The following KSR2 variants were observed in gnomAD, a reference collection of about 807,000 sequenced individuals.
The protein encoded by KSR2 is kinase suppressor of ras 2.
A neutral mutation model predicts 107.8 loss-of-function variants in KSR2; 25 were observed. The ratio of observed to expected loss-of-function variants is 0.23; its 90% CI spans 0.17 to 0.32. The LOEUF (loss-of-function observed/expected upper bound fraction) is 0.32, where lower values mean the gene tolerates loss of function less well. Ranked by LOEUF, KSR2 falls within the 10% of genes least tolerant of loss-of-function variation. The pLI is 1.00. For synonymous variants in KSR2, 480 were observed against 507.0 expected (o/e 0.95, Z 0.71); for missense variants, 887 against 1,268.9 (o/e 0.70, Z 4.57).
intron 1 of KSR2, among the ~76,000 whole-genome samples, chr12:117,961,303 TGA>T (rs35831169): frequency 0.14 from 21,856 of 152,048 alleles, 1,978 homozygotes; most frequent in East Asian, 0.4. Context: ...GTCTGGAGCA[TGA>T]GAGAATGGCC....
rs1012203442 is a variant in KSR2 at position 117,761,622 on chromosome 12, C to T, written c.473-98G>A. 132 of 1,143,324 alleles carry T rather than the reference C, an allele frequency of 1.2e-4. 1 individual carries two copies. The highest frequency in any genetic ancestry group is 1.6e-4 in the Non-Finnish European group (123 of 773,536). 70.8% of individuals were successfully genotyped at this position (1,143,324 alleles called of 1,614,324 possible). The stretch of plus-strand genomic sequence containing the variant: ...ATTACATCATACACACATTACACCA[C>T]GTGCCCATTACATCATGTGCATGTT... On this transcript the variant is annotated intron_variant, in intron 3 of 19. Coordinates refer to ENST00000339824, the MANE Select transcript of KSR2 (RefSeq NM_173598.6).
intron 1 of KSR2, among the ~76,000 whole-genome samples, chr12:117,949,108 A>C (rs1246156956): frequency 2.0e-5 from 3 of 152,212 alleles, no homozygotes; most frequent in East Asian, 3.9e-4. Flanking sequence ...AAATAAATAA[A>C]TCAAAATAAA....
intron 1 of KSR2, among the ~76,000 whole-genome samples, chr12:117,930,001 T>C (rs1566086754): frequency 6.6e-6 from 1 of 152,174 alleles, no homozygotes; most frequent in Non-Finnish European, 1.5e-5. Flanking sequence ...AATTAAATGA[T>C]AATGATGAAG....
intron 2 of KSR2, among the ~76,000 whole-genome samples, chr12:117,857,898 G>C (rs544956006): frequency 9.2e-5 from 14 of 152,178 alleles, no homozygotes; most frequent in Non-Finnish European, 1.8e-4. Context: ...CAGACAAAGA[G>C]CAGAAACCCC....
chr12:117,833,650 T>A (rs1280056711), intron 3 of KSR2, among the ~76,000 whole-genome samples: 1 of 152,170 alleles, frequency 6.6e-6, no homozygotes, highest in Non-Finnish European at 1.5e-5. Context: ...ATTACAAGTA[T>A]GAGCCATTGT....
At chr12:117,531,403 C>A (rs373298373) in intron 11 of KSR2, among the ~76,000 whole-genome samples, 4 of 152,154 alleles carry the variant, frequency 2.6e-5, no homozygotes, top group Non-Finnish European at 4.4e-5. Context: ...TGGCTCTAGA[C>A]CCCTCCTCAC....
At chr12:117,704,255 G>A (rs1886435579) in intron 4 of KSR2, among the ~76,000 whole-genome samples, 1 of 152,124 alleles carries the variant, frequency 6.6e-6, no homozygotes, top group Non-Finnish European at 1.5e-5. Flanking sequence ...CAGCCACTAA[G>A]ATTGTATCCC....
chr12:117,846,040 TAACAGCCTGCCCTTCCTAACA>T (rs1011517776), intron 3 of KSR2, among the ~76,000 whole-genome samples: 20 of 151,454 alleles, frequency 1.3e-4, no homozygotes, highest in Admixed American at 1.1e-3. Context: ...CTGCCCTTCC[TAACAGCCTGCCCTTCCTAACA>T]AACAGCCTGC....
intron 2 of KSR2, among the ~76,000 whole-genome samples, chr12:117,859,446 TTTTG>T (rs1566054183): frequency 6.9e-6 from 1 of 144,000 alleles, no homozygotes. Flanking sequence ...TTTTTTCGTT[TTTTG>T]TTTTTTATTT....
At chr12:117,635,545 A>G (rs1205616846) in intron 5 of KSR2, among the ~76,000 whole-genome samples, 1 of 152,222 alleles carries the variant, frequency 6.6e-6, no homozygotes, top group African/African-American at 2.4e-5. Context: ...CCAAGAGATG[A>G]TCAGTATAAG....
At chr12:117,543,198 C>A (rs1292233043) in intron 9 of KSR2, among the ~76,000 whole-genome samples, 1 of 152,140 alleles carries the variant, frequency 6.6e-6, no homozygotes, top group Non-Finnish European at 1.5e-5. Context: ...AAAGAAAATG[C>A]AAAAACTGTT....
intron 1 of KSR2, among the ~76,000 whole-genome samples, chr12:117,898,582 C>T (rs1278575881): frequency 6.6e-6 from 1 of 151,956 alleles, no homozygotes; most frequent in Non-Finnish European, 1.5e-5. Context: ...AGCCTCCCAA[C>T]GTGCTGGGAT....
intron 1 of KSR2, among the ~76,000 whole-genome samples, chr12:117,944,882 A>G (rs1896129143): frequency 6.6e-6 from 1 of 151,860 alleles, no homozygotes; most frequent in Non-Finnish European, 1.5e-5. Flanking sequence ...TAATAATAAT[A>G]ATAAGTTAAA....
At chr12:117,826,252 C>G (rs1466990300) in intron 3 of KSR2, among the ~76,000 whole-genome samples, 1 of 152,220 alleles carries the variant, frequency 6.6e-6, no homozygotes, top group South Asian at 2.1e-4. Flanking sequence ...CACCATCTGT[C>G]AAAGCCTACA....
Position 117,486,567 on chromosome 12 carries a change from A to T in KSR2, c.2220-876T>A, listed in dbSNP as rs12581758. Among the ~76,000 whole-genome samples, 440 of 152,310 alleles carry T rather than the reference A, an allele frequency of 2.9e-3. 8 individuals carry two copies. In the East Asian group the frequency reaches 0.031, roughly 11 times the overall value. On this transcript the variant is annotated intron_variant, in intron 14 of 19. Transcript: ENST00000339824. ...TTAATTTTCCATCTACATCAAAATC[A>T]CAGTTTGAATTTTCCTCTTTTAACC...
At chr12:117,639,327 T>A (rs1487618386) in intron 5 of KSR2, among the ~76,000 whole-genome samples, 2 of 150,816 alleles carry the variant, frequency 1.3e-5, no homozygotes, top group African/African-American at 4.8e-5. Flanking sequence ...ATTATCATCA[T>A]TATTATTATT....
At position 117,578,873 on chromosome 12, in the gene KSR2, T is replaced by C. The variant is rs937566; in HGVS notation, c.1325+246A>G. 0.23 allele frequency among the ~76,000 whole-genome samples: 35,366 copies of C among 152,186 alleles called. 5,357 individuals carry two copies. The highest frequency in any genetic ancestry group is 0.41 in the East Asian group (2,140 of 5,176). The stretch of plus-strand genomic sequence containing the variant: ...ATGTTATGAAAACGAGAAGTATCAC[T>C]GTGCCTCAGCACACAGCATTAGGCA... On this transcript the variant is annotated intron_variant, in intron 7 of 19. Transcript: ENST00000339824.
intron 1 of KSR2, among the ~76,000 whole-genome samples, chr12:117,935,848 C>T (rs1313340613): frequency 1.3e-5 from 2 of 152,210 alleles, no homozygotes; most frequent in African/African-American, 2.4e-5. Flanking sequence ...TCAGACACCT[C>T]AGGGGCTTGG....
intron 17 of KSR2, among the ~76,000 whole-genome samples, chr12:117,471,586 G>C (rs963859133): frequency 1.3e-5 from 2 of 151,948 alleles, no homozygotes; most frequent in Non-Finnish European, 2.9e-5. Context: ...TACTTGCAAT[G>C]ATTCTAGGAA....
Sources: gnomAD v4.1 joint callset for allele counts (sites outside exome capture counted in the v4.1 genomes callset) on GRCh38, gnomAD v4.1.1 for gene constraint, MANE v1.5 for transcripts, NCBI Gene and HGNC (gene_info 2026-07-23, HGNC 2026-07-21) for gene names.